Variants in NDUFS1 observed in about 807,000 individuals in gnomAD.
NDUFS1 encodes the protein NADH:ubiquinone oxidoreductase core subunit S1, also known as NADH-ubiquinone oxidoreductase 75 kDa subunit, mitochondrial.
In NDUFS1, 61 loss-of-function variants were observed where a neutral mutation model predicts 84.4. The ratio of observed to expected loss-of-function variants is 0.72; its 90% CI spans 0.59 to 0.89. NDUFS1 has a LOEUF of 0.89. Ranked by LOEUF, NDUFS1 falls within the 40% of genes least tolerant of loss-of-function variation. The probability of loss-of-function intolerance (pLI) is 0.00; values close to 1 mark genes in which losing one functional copy is unlikely to be tolerated. For synonymous variants in NDUFS1, 275 were observed against 290.0 expected (o/e 0.95, Z 0.53); for missense variants, 891 against 890.0 (o/e 1.00, Z -0.01).
At position 206,120,155 on chromosome 2, in the gene NDUFS1, T is replaced by C. The variant is rs901913155; in HGVS notation, c.*4030A>G. 6.6e-6 allele frequency: 1 copy of C among 152,398 alleles called. No individual in the cohort carries two copies. The highest frequency in any genetic ancestry group is 1.5e-5 in the Non-Finnish European group (1 of 68,124). The allele number at this position is 152,398 out of a possible 1,614,324, so 9.4% of individuals were successfully genotyped here. ...TCATCAGAAGCAGCTGCTGGTGCCATGCTTTGTGTACAGCCTGCAGAAACT... is the reference window on the plus strand; with the variant it reads ...TCATCAGAAGCAGCTGCTGGTGCCACGCTTTGTGTACAGCCTGCAGAAACT... On this transcript the variant is annotated 3_prime_UTR_variant, in exon 19 of 19. Transcript: ENST00000233190.
Position 206,117,654 on chromosome 2 carries a change from T to G in NDUFS1, c.*6531A>C, listed in dbSNP as rs1690987268. The G allele has an allele frequency of 6.6e-6, 1 of 152,188 alleles. No individual in the cohort carries two copies. The highest frequency in any genetic ancestry group is 1.5e-5 in the Non-Finnish European group (1 of 68,036). The allele number at this position is 152,188 out of a possible 1,614,324, so 9.4% of individuals were successfully genotyped here. Reference sequence around the variant, plus strand: ...TTCACTATCTTGGCCAGGCTGGTCTTGAACTCCTGGCCTTATGAGAGCCAC... The same window carrying G: ...TTCACTATCTTGGCCAGGCTGGTCTGGAACTCCTGGCCTTATGAGAGCCAC... On this transcript the variant is annotated 3_prime_UTR_variant, in exon 19 of 19. Coordinates refer to ENST00000233190, the MANE Select transcript of NDUFS1 (RefSeq NM_005006.7).
At chr2:206,140,740 A>G (rs899409805) in intron 12 of NDUFS1, among the ~76,000 whole-genome samples, 2 of 151,908 alleles carry the variant, frequency 1.3e-5, no homozygotes, top group Non-Finnish European at 2.9e-5. Flanking sequence ...CAGCCTCCCA[A>G]AGTACTGGGA....
At chr2:206,132,913 T>C in intron 14 of NDUFS1, 32 bp downstream of exon 14, 1 of 1,581,058 alleles carries the variant, frequency 6.3e-7, no homozygotes, top group East Asian at 2.2e-5. Flanking sequence ...ATTACTTGAA[T>C]TTATAGTATA....
At chr2:206,149,281 T>C (rs1340123538) in intron 4 of NDUFS1, among the ~76,000 whole-genome samples, 185 bp from the exon 5 acceptor site, 1 of 152,234 alleles carries the variant, frequency 6.6e-6, no homozygotes, top group African/African-American at 2.4e-5. Flanking sequence ...GATGATCTAG[T>C]ACTTTGCATT....
rs1348254881 is a variant in NDUFS1 at position 206,126,525 on chromosome 2, T to C, written c.2092+14A>G. 1.2e-6 allele frequency: 2 copies of C among 1,613,300 alleles called. No individual in the cohort carries two copies. The highest frequency in any genetic ancestry group is 1.7e-6 in the Non-Finnish European group (2 of 1,179,278). Reference sequence around the variant, plus strand: ...CCTTTCGTATTTGGCAGAGTCATGTTGACAATTACATACCTGTCATGTAGA... The same window carrying C: ...CCTTTCGTATTTGGCAGAGTCATGTCGACAATTACATACCTGTCATGTAGA... On this transcript the variant is annotated intron_variant, in intron 18 of 18. Coordinates refer to ENST00000233190, the MANE Select transcript of NDUFS1 (RefSeq NM_005006.7).
At chr2:206,135,276 T>C (rs189461309) in intron 13 of NDUFS1, among the ~76,000 whole-genome samples, 18 of 152,282 alleles carry the variant, frequency 1.2e-4, no homozygotes, top group East Asian at 9.7e-4. Flanking sequence ...TTTGCCTGCA[T>C]TGGCTTCCCA....
In NDUFS1 at chr2:206,119,288, T is replaced by C. The variant is rs569913765; in HGVS notation, c.*4897A>G. Reference sequence around the variant, plus strand: ...AATCATCAAAACAATTCTATGAGGCTGGAAGTAGGTACAATTTTACAATTT... The same window carrying C: ...AATCATCAAAACAATTCTATGAGGCCGGAAGTAGGTACAATTTTACAATTT... On this transcript the variant is annotated 3_prime_UTR_variant, in exon 19 of 19. Transcript: ENST00000233190. 1 of 152,312 alleles carries C rather than the reference T, an allele frequency of 6.6e-6. No individual in the cohort carries two copies. The highest frequency in any genetic ancestry group is 2.1e-4 in the South Asian group (1 of 4,828). 9.4% of individuals were successfully genotyped at this position (152,312 alleles called of 1,614,324 possible). A position where few individuals can be genotyped will look rare whatever the true frequency, so the allele number is the denominator to read the frequency against.
At chr2:206,154,281 T>A (rs944812245) in intron 1 of NDUFS1, among the ~76,000 whole-genome samples, 22 of 152,260 alleles carry the variant, frequency 1.4e-4, no homozygotes, top group African/African-American at 4.1e-4. Flanking sequence ...CTTCAGTACC[T>A]ATCCACCAGG....
chr2:206,143,838 A>G (rs1403114888), intron 10 of NDUFS1, among the ~76,000 whole-genome samples, 180 bp downstream of exon 10: 2 of 151,612 alleles, frequency 1.3e-5, no homozygotes, highest in African/African-American at 2.4e-5. Flanking sequence ...TGGTCTTTAT[A>G]TCCCTTAATA....
Position 206,115,980 on chromosome 2 carries a change from G to C in NDUFS1, c.*8205C>G, listed in dbSNP as rs746969385. 2.8e-6 allele frequency: 2 copies of C among 715,206 alleles called. No individual in the cohort carries two copies. Among genetic ancestry groups the C allele is most frequent in the Non-Finnish European group, 5.2e-6 (2 of 385,066 alleles). The allele number at this position is 715,206 out of a possible 1,614,324, so 44.3% of individuals were successfully genotyped here. A position where few individuals can be genotyped will look rare whatever the true frequency, so the allele number is the denominator to read the frequency against. On this transcript the variant is annotated 3_prime_UTR_variant, in exon 19 of 19. Coordinates refer to ENST00000233190, the MANE Select transcript of NDUFS1 (RefSeq NM_005006.7). ...AAAGGCATCTTCTTTCATTAGCAGT[G>C]TTAACAGTAGTTTTTTTTTCCCATG...
chr2:206,129,419 C>T (rs147984637), intron 15 of NDUFS1, among the ~76,000 whole-genome samples: 52 of 152,092 alleles, frequency 3.4e-4, no homozygotes, highest in African/African-American at 1.1e-3. Context: ...TGCAGCAACA[C>T]GCCTAGCTAA....
At chr2:206,149,512 G>A (rs928239162) in intron 4 of NDUFS1, among the ~76,000 whole-genome samples, 2 of 152,128 alleles carry the variant, frequency 1.3e-5, no homozygotes, top group African/African-American at 4.8e-5. Flanking sequence ...CACTTTTAAT[G>A]TGCTACTTGG....
intron 1 of NDUFS1, among the ~76,000 whole-genome samples, chr2:206,156,188 G>A (rs540171395): frequency 7.4e-5 from 11 of 149,578 alleles, no homozygotes; most frequent in South Asian, 2.1e-4. Flanking sequence ...GCGTGAACCC[G>A]GGAGGCGGAG....
In NDUFS1 at chr2:206,124,094, T is replaced by A. The variant is rs995544725; in HGVS notation, c.*91A>T. The A allele has an allele frequency of 4.9e-6, 4 of 823,788 alleles. No individual in the cohort carries two copies. The highest frequency in any genetic ancestry group is 2.6e-5 in the East Asian group (1 of 38,376). 51.0% of individuals were successfully genotyped at this position (823,788 alleles called of 1,614,324 possible). ...TTACATGATTCAAATTATTATTATTTTTTTTTACAAAGAAATAAACCTGTA... is the reference window on the plus strand; with the variant it reads ...TTACATGATTCAAATTATTATTATTATTTTTTACAAAGAAATAAACCTGTA... On this transcript the variant is annotated 3_prime_UTR_variant, in exon 19 of 19. Transcript: ENST00000233190.
At chr2:206,140,974 T>C (rs1260999375) in intron 12 of NDUFS1, among the ~76,000 whole-genome samples, 1 of 126,154 alleles carries the variant, frequency 7.9e-6, no homozygotes, top group Non-Finnish European at 1.7e-5. Flanking sequence ...AATACAAATA[T>C]GGCAAGATGT....
chr2:206,151,635 T>C (rs557862681), intron 3 of NDUFS1, among the ~76,000 whole-genome samples: 4 of 152,330 alleles, frequency 2.6e-5, no homozygotes, highest in Admixed American at 2.6e-4. Flanking sequence ...GAGTGAAGCA[T>C]GACTTCTCTA....
intron 4 of NDUFS1, 34 bp from the exon 5 acceptor site, chr2:206,149,130 T>C (rs1692273754): frequency 4.0e-6 from 6 of 1,488,172 alleles, no homozygotes; most frequent in Admixed American, 3.4e-5. Flanking sequence ...AATGTGTATT[T>C]GTATTTATTT....
chr2:206,146,832 G>C, intron 8 of NDUFS1, 71 bp downstream of exon 8: 1 of 1,430,726 alleles, frequency 7.0e-7, no homozygotes, highest in Non-Finnish European at 9.8e-7. Context: ...GGAAGAAAAT[G>C]AACCTTAATA....
chr2:206,147,923 ATTT>A, intron 5 of NDUFS1, 89 bp from the exon 6 acceptor site: 3 of 983,124 alleles, frequency 3.1e-6, no homozygotes, highest in African/African-American at 2.0e-5. Context: ...TATAGACTTT[ATTT>A]TTTTTTTTTG....
Sources: gnomAD v4.1 joint callset for allele counts (sites outside exome capture counted in the v4.1 genomes callset) on GRCh38, gnomAD v4.1.1 for gene constraint, MANE v1.5 for transcripts, NCBI Gene and HGNC (gene_info 2026-07-23, HGNC 2026-07-21) for gene names.